Variants in HHAT observed in about 807,000 individuals in gnomAD.
HHAT encodes protein-cysteine N-palmitoyltransferase HHAT.
HHAT carries 47 observed loss-of-function variants against 70.8 expected under a neutral mutation model. The ratio of observed to expected loss-of-function variants is 0.66; its 90% CI spans 0.53 to 0.85. HHAT has a LOEUF of 0.85. Among genes scored for constraint, HHAT ranks in the 40% least tolerant of loss-of-function variants. HHAT has a pLI of 0.00. For synonymous variants in HHAT, 228 were observed against 247.6 expected (o/e 0.92, Z 0.74); for missense variants, 609 against 604.8 (o/e 1.01, Z -0.07).
intron 1 of HHAT, among the ~76,000 whole-genome samples, chr1:210,345,239 T>G (rs1166527604): frequency 2.0e-5 from 3 of 152,086 alleles, no homozygotes; most frequent in Admixed American, 6.6e-5. Context: ...GCTGCTGGAA[T>G]GGGCTCAGCT....
chr1:210,506,789 C>T (rs941426235), intron 8 of HHAT, among the ~76,000 whole-genome samples: 5 of 152,210 alleles, frequency 3.3e-5, no homozygotes, highest in Non-Finnish European at 7.3e-5. Context: ...CAGACAGAAG[C>T]ATTGGTACCT....
chr1:210,538,066 A>G (rs1313143372), intron 9 of HHAT, among the ~76,000 whole-genome samples: 3 of 148,040 alleles, frequency 2.0e-5, no homozygotes, highest in Non-Finnish European at 4.4e-5. Flanking sequence ...ACAATTGTAC[A>G]CATTTTGTAT....
At chr1:210,429,026 A>G (rs1175512467) in intron 7 of HHAT, among the ~76,000 whole-genome samples, 1 of 151,902 alleles carries the variant, frequency 6.6e-6, no homozygotes, top group Non-Finnish European at 1.5e-5. Flanking sequence ...ACAAAGCTTC[A>G]TAGATTAAAG....
At chr1:210,334,164 C>T (rs963085242) in intron 1 of HHAT, among the ~76,000 whole-genome samples, 3 of 102,788 alleles carry the variant, frequency 2.9e-5, no homozygotes, top group Admixed American at 1.1e-4. Flanking sequence ...ACTTGCTGGC[C>T]ACTTTAGCGT....
intron 11 of HHAT, chr1:210,630,951 C>T (rs555129199): frequency 1.3e-4 from 57 of 429,188 alleles, no homozygotes; most frequent in Non-Finnish European, 2.0e-4. Context: ...GCCCCTAGAT[C>T]GAGGAATGCC....
chr1:210,657,005 C>G (rs1676578651), intron 11 of HHAT, among the ~76,000 whole-genome samples: 1 of 152,168 alleles, frequency 6.6e-6, no homozygotes, highest in African/African-American at 2.4e-5. Flanking sequence ...AGATGAGATG[C>G]CTTTTCCAAA....
At chr1:210,649,699 A>G (rs1340976095) in intron 11 of HHAT, among the ~76,000 whole-genome samples, 1 of 152,226 alleles carries the variant, frequency 6.6e-6, no homozygotes, top group Non-Finnish European at 1.5e-5. Flanking sequence ...CTCATGTCCC[A>G]CTTACGGGTA....
At chr1:210,545,324 G>A (rs1382035083) in intron 9 of HHAT, among the ~76,000 whole-genome samples, 1 of 152,014 alleles carries the variant, frequency 6.6e-6, no homozygotes, top group Non-Finnish European at 1.5e-5. Context: ...TTCTCTTGCT[G>A]CCACAAGGCA....
chr1:210,378,347 A>C (rs975776477), intron 3 of HHAT, among the ~76,000 whole-genome samples: 1 of 152,226 alleles, frequency 6.6e-6, no homozygotes, highest in African/African-American at 2.4e-5. Context: ...CAATAAGCAA[A>C]TAATGCTATT....
rs66516721 is a variant in HHAT, at chr1:210,428,286, CTATATATATATA to C, written c.856+10010_856+10021del. Among the ~76,000 whole-genome samples the C allele has an allele frequency of 4.4e-3, 448 of 101,042 alleles. 2 individuals carry two copies. The highest frequency in any genetic ancestry group is 5.9e-3 in the Admixed American group (62 of 10,490). 66.3% of individuals were successfully genotyped at this position (101,042 alleles called of 152,430 possible). The stretch of plus-strand genomic sequence containing the variant: ...ATGTTTTCCCCCAAATGAGCTTATA[CTATATATATATA>C]TATATATATATATATATATATATAT... On this transcript the variant is annotated intron_variant, in intron 7 of 11. Coordinates refer to ENST00000261458, the MANE Select transcript of HHAT (RefSeq NM_018194.6).
intron 2 of HHAT, among the ~76,000 whole-genome samples, chr1:210,354,538 T>C (rs1378258823): frequency 1.3e-5 from 2 of 152,108 alleles, no homozygotes; most frequent in Non-Finnish European, 2.9e-5. Flanking sequence ...TTTTATTTTA[T>C]AAAAAGAGAG....
intron 11 of HHAT, among the ~76,000 whole-genome samples, chr1:210,636,805 A>G (rs2148902182): frequency 6.6e-6 from 1 of 152,238 alleles, no homozygotes; most frequent in Non-Finnish European, 1.5e-5. Context: ...TCAAATATAA[A>G]TAGGAAGTGT....
chr1:210,553,125 G>C (rs994971798), intron 9 of HHAT, among the ~76,000 whole-genome samples: 26 of 152,208 alleles, frequency 1.7e-4, no homozygotes, highest in African/African-American at 6.3e-4. Context: ...CCTTTAAGGG[G>C]AGAGGAAGAT....
At chr1:210,469,905 A>T (rs117079996) in intron 8 of HHAT, among the ~76,000 whole-genome samples, 1 of 152,238 alleles carries the variant, frequency 6.6e-6, no homozygotes, top group East Asian at 1.9e-4. Flanking sequence ...TACATGTACC[A>T]TGGTGGTTTG....
At chr1:210,374,763 CTTTTTTTTT>C (rs34145775) in intron 3 of HHAT, among the ~76,000 whole-genome samples, 1 of 140,426 alleles carries the variant, frequency 7.1e-6, no homozygotes, top group Non-Finnish European at 1.6e-5. Flanking sequence ...AGTGGGGAAT[CTTTTTTTTT>C]TTTTTTTTAA....
intron 7 of HHAT, among the ~76,000 whole-genome samples, chr1:210,458,679 A>T (rs2093919383): frequency 6.6e-6 from 1 of 152,152 alleles, no homozygotes. Context: ...GAGTGGTTCA[A>T]TGAGGACAGG....
intron 11 of HHAT, among the ~76,000 whole-genome samples, chr1:210,647,389 C>T (rs530838534): frequency 6.6e-6 from 1 of 152,312 alleles, no homozygotes; most frequent in African/African-American, 2.4e-5. Context: ...CACAATTCAA[C>T]CCATAAGACC....
chr1:210,411,096 G>A (rs181325054), intron 6 of HHAT, among the ~76,000 whole-genome samples: 7 of 152,282 alleles, frequency 4.6e-5, no homozygotes, highest in East Asian at 3.9e-4. Flanking sequence ...GGGAAAGGAG[G>A]CCTTTGAATT....
At chr1:210,644,642 G>T (rs2148919933) in intron 11 of HHAT, among the ~76,000 whole-genome samples, 1 of 150,722 alleles carries the variant, frequency 6.6e-6, no homozygotes, top group Middle Eastern at 3.4e-3. Context: ...TAGTAGTCTT[G>T]GGAGAGTGGA....
Sources: gnomAD v4.1 joint callset for allele counts (sites outside exome capture counted in the v4.1 genomes callset) on GRCh38, gnomAD v4.1.1 for gene constraint, MANE v1.5 for transcripts, NCBI Gene and HGNC (gene_info 2026-07-23, HGNC 2026-07-21) for gene names.